The following YTHDC2 variants were observed in gnomAD, a reference collection of about 807,000 sequenced individuals.
YTHDC2 encodes the protein 3'-5' RNA helicase YTHDC2.
In YTHDC2, 45 loss-of-function variants were observed where a neutral mutation model predicts 174.9. That is an observed-to-expected ratio of 0.26 (90% CI 0.20 to 0.33). The LOEUF (loss-of-function observed/expected upper bound fraction) is 0.33. Among genes scored for constraint, YTHDC2 ranks in the 10% least tolerant of loss-of-function variants. YTHDC2 has a pLI of 1.00. For missense variants in YTHDC2, 1,650 were observed against 1,723.7 expected (o/e 0.96, Z 0.76); for synonymous variants, 657 against 574.5 (o/e 1.14, Z -2.05).
At chr5:113,573,607 A>C (rs925404747) in intron 23 of YTHDC2, among the ~76,000 whole-genome samples, 2 of 152,042 alleles carry the variant, frequency 1.3e-5, no homozygotes, top group African/African-American at 2.4e-5. Flanking sequence ...TACCCCAGTC[A>C]GTTATAGGTT....
intron 2 of YTHDC2, among the ~76,000 whole-genome samples, chr5:113,518,479 G>A (rs997514522): frequency 4.1e-4 from 63 of 152,004 alleles, no homozygotes; most frequent in Admixed American, 4.1e-3. Flanking sequence ...TAAGATTACA[G>A]ACATGAGCCA....
At chr5:113,518,302 T>C (rs1338121376) in intron 2 of YTHDC2, among the ~76,000 whole-genome samples, 1 of 147,282 alleles carries the variant, frequency 6.8e-6, no homozygotes, top group Non-Finnish European at 1.5e-5. Context: ...CCAGGCCCAA[T>C]CAATCCTCTC....
intron 23 of YTHDC2, among the ~76,000 whole-genome samples, chr5:113,569,197 T>C (rs1777556697): frequency 6.6e-6 from 1 of 152,222 alleles, no homozygotes; most frequent in Admixed American, 6.5e-5. Context: ...ATGGGTTGTT[T>C]TTTCTTGTAA....
rs79853864 is a variant in YTHDC2, at chr5:113,546,722, T to C, written c.1496-1819T>C. ...AGAATCTGGGAGTGGTTTAGCTGAG[T>C]GGTCTGGCTCCAAGTCTCTCATGAG... On this transcript the variant is annotated intron_variant, in intron 10 of 29. Transcript: ENST00000161863. Among the ~76,000 whole-genome samples, 51 of 152,320 alleles carry C rather than the reference T, an allele frequency of 3.3e-4. 1 individual carries two copies. The East Asian group carries it at 7.5e-3, about 22-fold the overall frequency.
At chr5:113,531,086 C>A (rs555837174) in intron 4 of YTHDC2, among the ~76,000 whole-genome samples, 3 of 152,166 alleles carry the variant, frequency 2.0e-5, no homozygotes, top group East Asian at 1.9e-4. Context: ...GTTTTCCCCC[C>A]ACTCTGGCTT....
intron 18 of YTHDC2, among the ~76,000 whole-genome samples, chr5:113,561,963 T>G (rs903107771): frequency 1.6e-4 from 14 of 89,740 alleles, no homozygotes; most frequent in Non-Finnish European, 2.5e-4. Flanking sequence ...TGTGGGTGTG[T>G]GTGTGTGTGT....
chr5:113,584,033 T>C (rs1161212456), intron 25 of YTHDC2: 1 of 240,732 alleles, frequency 4.2e-6, no homozygotes, highest in African/African-American at 2.2e-5. Flanking sequence ...ATAATCCTTT[T>C]ATTTTATTTA....
chr5:113,582,307 A>G (rs146797935), intron 25 of YTHDC2: 63 of 152,302 alleles, frequency 4.1e-4, no homozygotes, highest in African/African-American at 1.4e-3. Context: ...ATATGACAAG[A>G]TTTCTGTTAT....
At chr5:113,552,812 C>T (rs761669877) in intron 12 of YTHDC2, among the ~76,000 whole-genome samples, 8 of 152,116 alleles carry the variant, frequency 5.3e-5, no homozygotes, top group Admixed American at 1.3e-4. Flanking sequence ...TCCACACCCT[C>T]TCCAACACTT....
chr5:113,514,547 A>C (rs960335736), intron 1 of YTHDC2, among the ~76,000 whole-genome samples: 2 of 152,214 alleles, frequency 1.3e-5, no homozygotes, highest in South Asian at 2.1e-4. Flanking sequence ...CTTGTTTGGC[A>C]CACGAAGCAT....
At chr5:113,581,316 A>G in intron 24 of YTHDC2, 101 bp from the exon 25 acceptor site, 1 of 1,076,890 alleles carries the variant, frequency 9.3e-7, no homozygotes, top group South Asian at 2.9e-5. Context: ...AATGTGAAAT[A>G]AGTTTGTTGG....
chr5:113,582,481 G>A (rs982430629), intron 25 of YTHDC2: 9 of 152,128 alleles, frequency 5.9e-5, no homozygotes, highest in Admixed American at 2.6e-4. Context: ...TGATTCAGAA[G>A]TGTTTCTGGT....
chr5:113,548,646 A>G lies in YTHDC2; in HGVS notation c.1601A>G (p.His534Arg). ...TTAATCAGTATGGGAGCCAATGTCC[A>G]TAGTAAAGCATCAAATGGCTGGTAA... Reference protein sequence around the residue: ...EQLISMGANVHSKASNGWMAL... With the variant: ...EQLISMGANVRSKASNGWMAL... Residue 534 changes from histidine to arginine, a missense_variant, in exon 11 of 30, where the codon CAT becomes CGT. Around this residue, in one of 5 missense-constraint regions of YTHDC2, gnomAD observed 411 missense variants for 380.6 expected, o/e 1.08. Coordinates refer to ENST00000161863, the MANE Select transcript of YTHDC2 (RefSeq NM_022828.5). The G allele has an allele frequency of 2.5e-6, 4 of 1,610,176 alleles. No homozygotes were observed. The highest frequency in any genetic ancestry group is 3.4e-6 in the Non-Finnish European group (4 of 1,178,644).
At chr5:113,547,460 A>C (rs1184268046) in intron 10 of YTHDC2, among the ~76,000 whole-genome samples, 1 of 152,238 alleles carries the variant, frequency 6.6e-6, no homozygotes, top group Non-Finnish European at 1.5e-5. Context: ...CGTAAAATGC[A>C]CAAAACCAAG....
chr5:113,572,605 T>C (rs1442824344), intron 23 of YTHDC2, among the ~76,000 whole-genome samples: 2 of 152,260 alleles, frequency 1.3e-5, no homozygotes, highest in Admixed American at 1.3e-4. Flanking sequence ...AGTCTAAATC[T>C]CTTTGTAGGT....
chr5:113,541,883 T>C (rs1775503770), intron 9 of YTHDC2, among the ~76,000 whole-genome samples: 1 of 152,068 alleles, frequency 6.6e-6, no homozygotes, highest in African/African-American at 2.4e-5. Flanking sequence ...TGGAACAGCA[T>C]TTTGACCATG....
At chr5:113,528,933 G>A (rs1774472259) in intron 4 of YTHDC2, among the ~76,000 whole-genome samples, 2 of 152,020 alleles carry the variant, frequency 1.3e-5, no homozygotes, top group South Asian at 4.1e-4. Flanking sequence ...GTGGTGGTGG[G>A]GGGTTTGTAT....
chr5:113,543,016 G>A (rs879708191), intron 10 of YTHDC2, among the ~76,000 whole-genome samples: 4 of 151,232 alleles, frequency 2.6e-5, no homozygotes, highest in Non-Finnish European at 4.4e-5. Context: ...CTTTTTTTCT[G>A]ACCTGTAAAT....
At chr5:113,516,074 G>A (rs1482408431) in intron 2 of YTHDC2, among the ~76,000 whole-genome samples, 1 of 152,084 alleles carries the variant, frequency 6.6e-6, no homozygotes, top group Non-Finnish European at 1.5e-5. Flanking sequence ...GGCATACCGT[G>A]AACTCTTTCA....
Sources: allele counts gnomAD v4.1 joint callset (sites outside exome capture counted in the v4.1 genomes callset), GRCh38; gene constraint gnomAD v4.1.1; regional missense constraint gnomAD v4.1.1; transcripts MANE v1.5; gene names NCBI Gene and HGNC (gene_info 2026-07-23, HGNC 2026-07-21).